Variants in TMEM200A observed in about 807,000 individuals in gnomAD.
TMEM200A encodes the protein transmembrane protein 200A.
Under a neutral mutation model 24.3 loss-of-function variants are expected in TMEM200A, and 12 were observed. That is an observed-to-expected ratio of 0.49 (90% CI 0.32 to 0.80). The LOEUF is 0.80. Ranked by LOEUF, TMEM200A falls within the 30% of genes least tolerant of loss-of-function variation. The pLI is 0.04. For missense variants in TMEM200A, 545 were observed against 614.4 expected, an observed-to-expected ratio of 0.89 and a Z score of 1.19; for synonymous variants, 224 against 224.4, an observed-to-expected ratio of 1.00 and a Z score of 0.02.
intron 2 of TMEM200A, among the ~76,000 whole-genome samples, chr6:130,399,766 G>C (rs1779039466): frequency 6.7e-6 from 1 of 149,190 alleles, no homozygotes; most frequent in South Asian, 2.1e-4. Flanking sequence ...TGATTTGTGA[G>C]ATTTTGGTGC....
chr6:130,430,468 T>C (rs971667302), intron 2 of TMEM200A, among the ~76,000 whole-genome samples: 1 of 152,130 alleles, frequency 6.6e-6, no homozygotes, highest in African/African-American at 2.4e-5. Flanking sequence ...ATCTATGTTT[T>C]CTTGAATTCA....
intron 2 of TMEM200A, among the ~76,000 whole-genome samples, chr6:130,392,753 C>A (rs1435643518): frequency 6.6e-6 from 1 of 152,176 alleles, no homozygotes; most frequent in Non-Finnish European, 1.5e-5. Flanking sequence ...ACCTAACCAC[C>A]CTTCCCTGAG....
intron 2 of TMEM200A, among the ~76,000 whole-genome samples, chr6:130,417,117 C>T (rs997127568): frequency 6.6e-6 from 1 of 152,122 alleles, no homozygotes. Context: ...TGCCTTTCCA[C>T]TCAAGATTTA....
intron 2 of TMEM200A, among the ~76,000 whole-genome samples, chr6:130,394,340 C>T (rs1012722259): frequency 5.9e-5 from 9 of 152,300 alleles, no homozygotes; most frequent in Non-Finnish European, 7.3e-5. Flanking sequence ...AATTCCCTTT[C>T]GCACCCACAG....
chr6:130,406,386 T>C (rs2115147101), intron 2 of TMEM200A, among the ~76,000 whole-genome samples: 1 of 152,294 alleles, frequency 6.6e-6, no homozygotes, highest in South Asian at 2.1e-4. Flanking sequence ...GGATTTTATG[T>C]TGATTCCCCC....
At chr6:130,400,007 C>T (rs1391801267) in intron 2 of TMEM200A, among the ~76,000 whole-genome samples, 1 of 151,896 alleles carries the variant, frequency 6.6e-6, no homozygotes, top group African/African-American at 2.4e-5. Flanking sequence ...ATCGCAAATG[C>T]TGTTAATGCA....
chr6:130,423,743 A>G (rs562948626), intron 2 of TMEM200A, among the ~76,000 whole-genome samples: 9 of 152,154 alleles, frequency 5.9e-5, no homozygotes, highest in Non-Finnish European at 1.0e-4. Flanking sequence ...ACCAGAAATT[A>G]TGCCTCCAAA....
intron 2 of TMEM200A, among the ~76,000 whole-genome samples, chr6:130,412,112 T>TTG (rs1779344616): frequency 6.7e-6 from 1 of 150,232 alleles, no homozygotes; most frequent in East Asian, 1.9e-4. Flanking sequence ...TTTTTTTTTT[T>TTG]GGCACTAATC....
chr6:130,407,241 C>T (rs1310809279), intron 2 of TMEM200A, among the ~76,000 whole-genome samples: 2 of 152,126 alleles, frequency 1.3e-5, no homozygotes, highest in African/African-American at 4.8e-5. Flanking sequence ...ATCTGAAATA[C>T]AGTGACAGAA....
chr6:130,426,065 G>T (rs1398649155), intron 2 of TMEM200A, among the ~76,000 whole-genome samples: 1 of 152,170 alleles, frequency 6.6e-6, no homozygotes, highest in African/African-American at 2.4e-5. Context: ...GTAGGGGACT[G>T]CTCTCCCTTG....
chr6:130,382,827 C>G (rs1437777364), intron 1 of TMEM200A, among the ~76,000 whole-genome samples: 1 of 152,120 alleles, frequency 6.6e-6, no homozygotes, highest in African/African-American at 2.4e-5. Flanking sequence ...AAAAGTATCC[C>G]CCTTCCTCTG....
chr6:130,371,081 A>C (rs1221923211), intron 1 of TMEM200A, among the ~76,000 whole-genome samples: 1 of 152,182 alleles, frequency 6.6e-6, no homozygotes, highest in Non-Finnish European at 1.5e-5. Flanking sequence ...ATGAGGTTAT[A>C]TGTCAGGATG....
chr6:130,365,825 G>A, upstream of TMEM200A: 2 of 985,684 alleles, frequency 2.0e-6, no homozygotes, highest in Non-Finnish European at 2.4e-6. Flanking sequence ...CTCCTGCAGA[G>A]CAGATCCTGT....
chr6:130,371,426 G>C (rs1013754347), intron 1 of TMEM200A, among the ~76,000 whole-genome samples: 1 of 152,090 alleles, frequency 6.6e-6, no homozygotes, highest in Non-Finnish European at 1.5e-5. Context: ...CCTGGCAGTC[G>C]GACATCAAAG....
intron 1 of TMEM200A, among the ~76,000 whole-genome samples, chr6:130,373,064 A>G (rs1451109972): frequency 3.3e-5 from 5 of 152,008 alleles, no homozygotes; most frequent in Admixed American, 2.6e-4. Context: ...TGCTGGGGAG[A>G]AAAAAAAGTA....
At chr6:130,369,110 C>T (rs1318999965) in intron 1 of TMEM200A, among the ~76,000 whole-genome samples, 1 of 152,004 alleles carries the variant, frequency 6.6e-6, no homozygotes, top group Non-Finnish European at 1.5e-5. Flanking sequence ...AGATGTCTGG[C>T]CTGGGACATC....
chr6:130,435,505 A>T (rs1248140235), intron 2 of TMEM200A, among the ~76,000 whole-genome samples: 2 of 152,170 alleles, frequency 1.3e-5, no homozygotes, highest in Admixed American at 1.3e-4. Flanking sequence ...TTGCAATTAC[A>T]TGAATATCTA....
chr6:130,416,966 T>C (rs971963378), intron 2 of TMEM200A, among the ~76,000 whole-genome samples: 2 of 152,188 alleles, frequency 1.3e-5, no homozygotes, highest in Non-Finnish European at 2.9e-5. Context: ...TTCCCTGCAC[T>C]ATCTCAGTTT....
Position 130,378,355 on chromosome 6 carries a change from T to A in TMEM200A, c.-80-6818T>A, listed in dbSNP as rs750962692. ...TAAAATCCCAGGTGTCTGTGTCAGT[T>A]ATAGGCCTGCCTGATAGGGCCTGAA... On this transcript the variant is annotated intron_variant, in intron 1 of 2. Coordinates refer to ENST00000296978, the MANE Select transcript of TMEM200A (RefSeq NM_001258277.2). Among the ~76,000 whole-genome samples the A allele has an allele frequency of 1.9e-3, 282 of 151,584 alleles. 4 individuals carry two copies. Among genetic ancestry groups the A allele is most frequent in the Non-Finnish European group, 1.0e-3 (69 of 67,934 alleles).
Sources: gnomAD v4.1 joint callset for allele counts (sites outside exome capture counted in the v4.1 genomes callset) on GRCh38, gnomAD v4.1.1 for gene constraint, MANE v1.5 for transcripts, NCBI Gene and HGNC (gene_info 2026-07-23, HGNC 2026-07-21) for gene names.